Variants in SEMA5A observed in about 807,000 individuals in gnomAD.
SEMA5A encodes semaphorin-5A.
Under a neutral mutation model 135.5 loss-of-function variants are expected in SEMA5A, and 55 were observed. The ratio of observed to expected loss-of-function variants is 0.41; its 90% CI spans 0.33 to 0.51. The LOEUF (loss-of-function observed/expected upper bound fraction) is 0.51. Ranked by LOEUF, SEMA5A falls within the 20% of genes least tolerant of loss-of-function variation. SEMA5A has a pLI of 0.37. For synonymous variants in SEMA5A, 580 were observed against 546.5 expected, an observed-to-expected ratio of 1.06 and a Z score of -0.85; for missense variants, 1,290 against 1,419.9, an observed-to-expected ratio of 0.91 and a Z score of 1.47.
At chr5:9,161,248 C>T (rs539287880) in intron 11 of SEMA5A, among the ~76,000 whole-genome samples, 2 of 151,930 alleles carry the variant, frequency 1.3e-5, no homozygotes, top group Non-Finnish European at 2.9e-5. Flanking sequence ...GTGACCTGAA[C>T]GCGGGAACTG....
chr5:9,199,033 G>C (rs2150362962), intron 9 of SEMA5A, among the ~76,000 whole-genome samples: 1 of 152,278 alleles, frequency 6.6e-6, no homozygotes, highest in East Asian at 1.9e-4. Context: ...AGTTTACGCA[G>C]CCCAAGTCAC....
At chr5:9,214,835 A>G (rs1311158323) in intron 8 of SEMA5A, among the ~76,000 whole-genome samples, 1 of 152,196 alleles carries the variant, frequency 6.6e-6, no homozygotes, top group Non-Finnish European at 1.5e-5. Flanking sequence ...TCAGATATAG[A>G]ATAAGCAACA....
chr5:9,182,154 CCA>C (rs1491435659), intron 11 of SEMA5A, among the ~76,000 whole-genome samples: 31 of 128,338 alleles, frequency 2.4e-4, no homozygotes, highest in East Asian at 2.4e-3. Context: ...CTTCTGCCCC[CCA>C]CCCCAAAAAA....
intron 12 of SEMA5A, among the ~76,000 whole-genome samples, chr5:9,141,678 C>T (rs2150231182): frequency 6.6e-6 from 1 of 152,252 alleles, no homozygotes; most frequent in South Asian, 2.1e-4. Context: ...ATGACAATAA[C>T]ATCAACATAT....
At chr5:9,098,585 C>T (rs1739455556) in intron 16 of SEMA5A, among the ~76,000 whole-genome samples, 1 of 152,178 alleles carries the variant, frequency 6.6e-6, no homozygotes, top group Admixed American at 6.5e-5. Context: ...CTCTTAATTA[C>T]TCATTTTTAA....
At chr5:9,349,173 C>G (rs767635463) in intron 3 of SEMA5A, among the ~76,000 whole-genome samples, 1 of 151,970 alleles carries the variant, frequency 6.6e-6, no homozygotes, top group Non-Finnish European at 1.5e-5. Context: ...CCAAGGTGGC[C>G]TCTTTGCCGA....
intron 11 of SEMA5A, among the ~76,000 whole-genome samples, chr5:9,165,943 T>C (rs1466346664): frequency 6.6e-6 from 1 of 152,082 alleles, no homozygotes; most frequent in Non-Finnish European, 1.5e-5. Context: ...CAATATTACA[T>C]TTATATAGAA....
chr5:9,066,414 T>C lies in SEMA5A; in HGVS notation c.2299+7A>G. ...AGTGGGTCAGTCCCCACGGAATCAC[T>C]ACTCACCATCTGTGGAGCAGCCACT... On this transcript the variant is annotated splice_region_variant and intron_variant, in intron 17 of 22. Coordinates refer to ENST00000382496, the MANE Select transcript of SEMA5A (RefSeq NM_003966.3). The C allele has an allele frequency of 1.2e-6, 2 of 1,613,508 alleles. No individual in the cohort carries two copies. Among genetic ancestry groups the C allele is most frequent in the Non-Finnish European group, 1.7e-6 (2 of 1,179,406 alleles).
intron 1 of SEMA5A, among the ~76,000 whole-genome samples, chr5:9,544,984 C>T (rs1321336232): frequency 6.6e-6 from 1 of 152,216 alleles, no homozygotes; most frequent in African/African-American, 2.4e-5. Flanking sequence ...AGGGGCTCGC[C>T]TAGCTGCAGC....
At chr5:9,445,552 C>T (rs1291128876) in intron 1 of SEMA5A, among the ~76,000 whole-genome samples, 3 of 151,918 alleles carry the variant, frequency 2.0e-5, no homozygotes, top group Non-Finnish European at 1.5e-5. Context: ...GCCTGTAGTC[C>T]CAGCTACTCG....
chr5:9,155,263 TG>T (rs1415357829), intron 11 of SEMA5A, among the ~76,000 whole-genome samples: 3 of 152,158 alleles, frequency 2.0e-5, no homozygotes, highest in Non-Finnish European at 4.4e-5. Context: ...ATGATTTTCT[TG>T]GGCTCAACTC....
chr5:9,187,750 G>A (rs1341726307), intron 11 of SEMA5A, among the ~76,000 whole-genome samples: 4 of 152,184 alleles, frequency 2.6e-5, no homozygotes, highest in African/African-American at 7.2e-5. Flanking sequence ...ACAATAAAGC[G>A]AATCTCTGCG....
chr5:9,191,495 A>G (rs1472909525), intron 10 of SEMA5A, among the ~76,000 whole-genome samples: 1 of 152,224 alleles, frequency 6.6e-6, no homozygotes, highest in Non-Finnish European at 1.5e-5. Context: ...ACTTCACATA[A>G]GTAGGTTTGA....
intron 17 of SEMA5A, 43 bp downstream of exon 17, chr5:9,066,378 C>A (rs1469865352): frequency 1.3e-6 from 2 of 1,571,366 alleles, no homozygotes; most frequent in South Asian, 2.2e-5. Context: ...GATCAAAGGC[C>A]CTTCCATGGA....
At chr5:9,171,517 G>A (rs1216602592) in intron 11 of SEMA5A, among the ~76,000 whole-genome samples, 3 of 152,142 alleles carry the variant, frequency 2.0e-5, no homozygotes, top group East Asian at 3.9e-4. Context: ...CATGCTCCAC[G>A]CTAATGATGC....
rs1260303381 is a variant in SEMA5A, at chr5:9,038,666, A to C, written c.*4231T>G. On this transcript the variant is annotated 3_prime_UTR_variant, in exon 23 of 23. Coordinates refer to ENST00000382496, the MANE Select transcript of SEMA5A (RefSeq NM_003966.3). ...GTAAAATTCCCTTTGATATTCAATTATACGCTAATGGATCCCCTTAGAGAG... is the reference window on the plus strand; with the variant it reads ...GTAAAATTCCCTTTGATATTCAATTCTACGCTAATGGATCCCCTTAGAGAG... 1 of 152,042 alleles carries C rather than the reference A, an allele frequency of 6.6e-6. No individual in the cohort carries two copies. The highest frequency in any genetic ancestry group is 2.4e-5 in the African/African-American group (1 of 41,382). 9.4% of individuals were successfully genotyped at this position (152,042 alleles called of 1,614,324 possible).
chr5:9,424,232 A>G (rs111788250), intron 2 of SEMA5A, among the ~76,000 whole-genome samples: 3,264 of 152,316 alleles, frequency 0.021, 125 homozygotes, highest in African/African-American at 0.071. Context: ...TCATTGTAAG[A>G]GTCTGATCTT....
chr5:9,077,380 A>G (rs1399926512), intron 16 of SEMA5A, among the ~76,000 whole-genome samples: 1 of 152,222 alleles, frequency 6.6e-6, no homozygotes, highest in East Asian at 1.9e-4. Flanking sequence ...AATGATTTAG[A>G]TATTTTAGAT....
chr5:9,375,782 C>G (rs1755340046), intron 3 of SEMA5A, among the ~76,000 whole-genome samples: 1 of 151,706 alleles, frequency 6.6e-6, no homozygotes, highest in Admixed American at 6.6e-5. Context: ...CTTGAACACT[C>G]TGCAGTATCT....
Sources: gnomAD v4.1 joint callset for allele counts (sites outside exome capture counted in the v4.1 genomes callset) on GRCh38, gnomAD v4.1.1 for gene constraint, MANE v1.5 for transcripts, NCBI Gene and HGNC (gene_info 2026-07-23, HGNC 2026-07-21) for gene names.